SIK3: variants seen among roughly 807,000 people sequenced by gnomAD.
SIK3 encodes serine/threonine-protein kinase SIK3.
A neutral mutation model predicts 144.2 loss-of-function variants in SIK3; 28 were observed. The ratio of observed to expected loss-of-function variants is 0.19; its 90% confidence interval spans 0.14 to 0.27. The LOEUF (loss-of-function observed/expected upper bound fraction) is 0.27. Ranked by LOEUF, SIK3 falls within the 10% of genes least tolerant of loss-of-function variation. The pLI is 1.00. For synonymous variants in SIK3, 686 were observed against 676.3 expected (o/e 1.01, Z -0.22); for missense variants, 1,319 against 1,776.0 (o/e 0.74, Z 4.62).
intron 1 of SIK3, among the ~76,000 whole-genome samples, chr11:117,000,767 T>C (rs1950821319): frequency 6.6e-6 from 1 of 152,230 alleles, no homozygotes; most frequent in African/African-American, 2.4e-5. Flanking sequence ...TCTTACAGAC[T>C]ATTAATGTGC....
chr11:116,855,081 G>C (rs1253924729), intron 21 of SIK3, among the ~76,000 whole-genome samples: 108 of 39,414 alleles, frequency 2.7e-3, no homozygotes, highest in African/African-American at 0.025. Context: ...GTGAGACTCT[G>C]CCAAAAAAAA....
intron 1 of SIK3, among the ~76,000 whole-genome samples, chr11:117,065,772 G>A (rs1982679): frequency 0.056 from 8,495 of 151,674 alleles, 524 homozygotes; most frequent in African/African-American, 0.15. Context: ...TGGTATTACA[G>A]GCATGCACCA....
intron 4 of SIK3, among the ~76,000 whole-genome samples, chr11:116,908,453 T>G (rs1946167522): frequency 6.6e-6 from 1 of 152,132 alleles, no homozygotes; most frequent in Non-Finnish European, 1.5e-5. Flanking sequence ...CACTGCAGCC[T>G]GGGTGATGGA....
chr11:117,048,556 C>T (rs777511321), intron 1 of SIK3, among the ~76,000 whole-genome samples: 2 of 151,474 alleles, frequency 1.3e-5, no homozygotes, highest in East Asian at 1.9e-4. Flanking sequence ...CTCGGGAGGC[C>T]GAGGCAGGAG....
intron 1 of SIK3, among the ~76,000 whole-genome samples, chr11:117,013,915 G>GGTGTGTGTGTGTGTGTGTGTGT (rs71037441): frequency 4.2e-5 from 1 of 23,618 alleles, no homozygotes; most frequent in African/African-American, 8.7e-5. Context: ...GGGGGGGGAG[G>GGTGTGTGTGTGTGTGTGTGTGT]GTGTGTGTGT....
intron 3 of SIK3, among the ~76,000 whole-genome samples, chr11:116,946,228 C>T (rs975214670): frequency 1.3e-5 from 2 of 152,082 alleles, no homozygotes; most frequent in Non-Finnish European, 2.9e-5. Context: ...TAAAACAAAC[C>T]CCTCCTTATT....
intron 13 of SIK3, among the ~76,000 whole-genome samples, chr11:116,871,965 T>C (rs1943994724): frequency 6.7e-6 from 1 of 149,902 alleles, no homozygotes; most frequent in Non-Finnish European, 1.5e-5. Flanking sequence ...CAGAGGAGCA[T>C]TCTGGGCTGG....
At chr11:116,986,448 C>A (rs1366768622) in intron 1 of SIK3, among the ~76,000 whole-genome samples, 1 of 152,116 alleles carries the variant, frequency 6.6e-6, no homozygotes, top group Non-Finnish European at 1.5e-5. Context: ...AGTCTCTATC[C>A]CATTTCCTGG....
At chr11:116,855,993 C>T (rs112618266) in intron 21 of SIK3, among the ~76,000 whole-genome samples, 9,940 of 152,062 alleles carry the variant, frequency 0.065, 382 homozygotes, top group Middle Eastern at 0.12. Flanking sequence ...GTCAGGAGAT[C>T]GAGACCATCC....
chr11:116,971,861 G>A (rs1490198286), intron 1 of SIK3, among the ~76,000 whole-genome samples: 8 of 151,894 alleles, frequency 5.3e-5, no homozygotes, highest in Non-Finnish European at 1.2e-4. Context: ...GGCCGAGGCG[G>A]GTGGATCACG....
rs1384184927 is a variant in SIK3, at chr11:116,844,494, G to A, written c.*1149C>T. ...AAAATATAGGGGCTGAGGGTACCCAGTGGGGAAGAGGAGGTTAGGAGAGAG... is the reference window on the plus strand; with the variant it reads ...AAAATATAGGGGCTGAGGGTACCCAATGGGGAAGAGGAGGTTAGGAGAGAG... On this transcript the variant is annotated 3_prime_UTR_variant, in exon 25 of 25. Coordinates refer to ENST00000445177, the MANE Select transcript of SIK3 (RefSeq NM_001366686.3). The A allele has an allele frequency of 6.7e-6, 1 of 149,024 alleles. No individual in the cohort carries two copies. The highest frequency in any genetic ancestry group is 1.5e-5 in the Non-Finnish European group (1 of 67,470). The allele number at this position is 149,024 out of a possible 1,614,324, so 9.2% of individuals were successfully genotyped here.
chr11:117,013,649 G>A (rs944050556), intron 1 of SIK3, among the ~76,000 whole-genome samples: 1 of 151,674 alleles, frequency 6.6e-6, no homozygotes, highest in African/African-American at 2.4e-5. Flanking sequence ...TTATTTTTTG[G>A]TTAACCTGTG....
At chr11:116,941,168 G>A (rs1158630186) in intron 3 of SIK3, among the ~76,000 whole-genome samples, 1 of 151,976 alleles carries the variant, frequency 6.6e-6, no homozygotes, top group East Asian at 1.9e-4. Flanking sequence ...CACCATGCTC[G>A]GCTAATTTTT....
chr11:117,094,881 A>T (rs1955403194), intron 1 of SIK3, among the ~76,000 whole-genome samples: 1 of 152,128 alleles, frequency 6.6e-6, no homozygotes, highest in Admixed American at 6.5e-5. Flanking sequence ...TACTAACCAA[A>T]GTATGTCACA....
intron 4 of SIK3, among the ~76,000 whole-genome samples, chr11:116,917,998 T>G (rs1344011707): frequency 6.6e-6 from 1 of 152,190 alleles, no homozygotes; most frequent in Non-Finnish European, 1.5e-5. Context: ...TTTTCTTTGT[T>G]CTAGATATTA....
rs919562990 is a variant in SIK3 at position 117,004,376 on chromosome 11, C to T, written c.274-47312G>A. Among the ~76,000 whole-genome samples the T allele has an allele frequency of 4.0e-4, 61 of 152,022 alleles. 1 individual carries two copies. Among genetic ancestry groups the T allele is most frequent in the East Asian group, 3.9e-4 (2 of 5,162 alleles). ...CAAAAAATACAAAAAATTAGCCAGGCGTGATGGTGCACACCTGTGGTCCCA... is the reference window on the plus strand; with the variant it reads ...CAAAAAATACAAAAAATTAGCCAGGTGTGATGGTGCACACCTGTGGTCCCA... On this transcript the variant is annotated intron_variant, in intron 1 of 24. Transcript: ENST00000445177.
intron 4 of SIK3, among the ~76,000 whole-genome samples, chr11:116,906,005 G>C (rs1374367589): frequency 6.6e-6 from 1 of 152,152 alleles, no homozygotes; most frequent in Non-Finnish European, 1.5e-5. Context: ...TATGCTTTTG[G>C]TGTGAATATA....
rs1955583307 is a variant in SIK3 at position 117,098,397 on chromosome 11, T to G, written c.19A>C (p.Ser7Arg). ...GCCCCGGCAGCCCCGCCAGCTCCGC[T>G]CGCCGCCGCCGCCGCCATCTTGTTG... MAAAAA[S>R]GAGGAAGAGT... is the part of the protein sequence containing the mutation. Residue 7 changes from serine (S) to arginine (R), a missense_variant, in exon 1 of 25, where the codon AGC becomes CGC. Coordinates refer to ENST00000445177, the MANE Select transcript of SIK3 (RefSeq NM_001366686.3). 8.7e-7 allele frequency: 1 copy of G among 1,148,032 alleles called. No homozygotes were observed. The allele number at this position is 1,148,032 out of a possible 1,614,324, so 71.1% of individuals were successfully genotyped here. A position where few individuals can be genotyped will look rare whatever the true frequency, so the allele number is the denominator to read the frequency against.
chr11:116,969,598 A>T (rs1181218381), intron 1 of SIK3, among the ~76,000 whole-genome samples: 3 of 151,712 alleles, frequency 2.0e-5, no homozygotes, highest in Non-Finnish European at 4.4e-5. Context: ...TTTTGAAACT[A>T]AGTAAAAAAA....
Sources: allele counts gnomAD v4.1 joint callset (sites outside exome capture counted in the v4.1 genomes callset), GRCh38; gene constraint gnomAD v4.1.1; transcripts MANE v1.5; gene names NCBI Gene and HGNC (gene_info 2026-07-23, HGNC 2026-07-21).